The following TMEM272 variants were observed in gnomAD, a reference collection of about 807,000 sequenced individuals.
TMEM272 encodes the protein transmembrane protein 272.
A neutral mutation model predicts 3.7 loss-of-function variants in TMEM272; 8 were observed. The observed-to-expected ratio is 2.17, with a 90% CI of 1.27 to 3.91. The LOEUF is 3.91. Ranked by LOEUF, TMEM272 falls within the 30% of genes most tolerant of loss-of-function variation. The pLI is 0.00. For missense variants in TMEM272, 166 were observed against 91.5 expected, an observed-to-expected ratio of 1.81 and a Z score of -3.32; for synonymous variants, 63 against 39.8, an observed-to-expected ratio of 1.58 and a Z score of -2.20.
the TMEM272 span, among the ~76,000 whole-genome samples, chr13:51,904,555 G>A: frequency 6.6e-6 from 1 of 152,078 alleles, no homozygotes; most frequent in Non-Finnish European, 1.5e-5. Context: ...AAAAGAAGGA[G>A]GCTCTAGATC....
the TMEM272 span, among the ~76,000 whole-genome samples, chr13:51,913,311 CT>C: frequency 6.6e-6 from 1 of 152,176 alleles, no homozygotes. Context: ...AGGCAGTTTG[CT>C]TTTACCAGTG....
the TMEM272 span, among the ~76,000 whole-genome samples, chr13:51,918,214 T>C: frequency 2.0e-5 from 3 of 152,198 alleles, no homozygotes; most frequent in Non-Finnish European, 2.9e-5. Context: ...CAGCAATGCC[T>C]TGGGGGTCAG....
chr13:51,914,195 A>G, the TMEM272 span, among the ~76,000 whole-genome samples: 1 of 152,262 alleles, frequency 6.6e-6, no homozygotes, highest in Non-Finnish European at 1.5e-5. Flanking sequence ...AACAATCACC[A>G]GTTCCACGGG....
intron 2 of TMEM272, among the ~76,000 whole-genome samples, chr13:51,830,103 C>T (rs1330086728): frequency 4.6e-5 from 7 of 152,230 alleles, no homozygotes; most frequent in South Asian, 2.1e-4. Context: ...TGTTCAGCCA[C>T]GTACAAAAGC....
At chr13:51,905,075 C>G in the TMEM272 span, among the ~76,000 whole-genome samples, 5 of 152,168 alleles carry the variant, frequency 3.3e-5, no homozygotes, top group Non-Finnish European at 7.3e-5. Context: ...ACCAAATGCT[C>G]CTGGGGGAGG....
chr13:51,926,702 G>A, the TMEM272 span, among the ~76,000 whole-genome samples: 1 of 152,092 alleles, frequency 6.6e-6, no homozygotes, highest in Non-Finnish European at 1.5e-5. Flanking sequence ...GTGGGGACAG[G>A]GGCATGCTGG....
chr13:51,932,748 A>T, the TMEM272 span: 1 of 152,136 alleles, frequency 6.6e-6, no homozygotes, highest in Non-Finnish European at 1.5e-5. Flanking sequence ...TGACAAAAAA[A>T]CTCCTTACAC....
At chr13:51,904,978 G>A in the TMEM272 span, among the ~76,000 whole-genome samples, 1 of 152,136 alleles carries the variant, frequency 6.6e-6, no homozygotes, top group Non-Finnish European at 1.5e-5. Flanking sequence ...GTGTGCTGTG[G>A]GGTGTTTAAC....
chr13:51,871,113 C>A, the TMEM272 span, among the ~76,000 whole-genome samples: 4 of 152,018 alleles, frequency 2.6e-5, no homozygotes, highest in Non-Finnish European at 5.9e-5. Flanking sequence ...GGTATGCATA[C>A]CCTTGGACCA....
chr13:51,909,682 T>A, the TMEM272 span: 1 of 1,552,226 alleles, frequency 6.4e-7, no homozygotes, highest in South Asian at 1.1e-5. Context: ...ATCAGTTTCT[T>A]CAAAGCTCCT....
the TMEM272 span, among the ~76,000 whole-genome samples, chr13:51,888,014 A>C: frequency 6.6e-6 from 1 of 151,424 alleles, no homozygotes; most frequent in African/African-American, 2.4e-5. Flanking sequence ...GTGTGATTGC[A>C]TTATACATAT....
the TMEM272 span, among the ~76,000 whole-genome samples, chr13:51,919,785 G>A: frequency 6.6e-6 from 1 of 152,192 alleles, no homozygotes; most frequent in East Asian, 1.9e-4. Context: ...TGAGCATGTC[G>A]CTCTCCTCAC....
the TMEM272 span, among the ~76,000 whole-genome samples, chr13:51,853,799 T>C: frequency 3.9e-5 from 6 of 152,200 alleles, no homozygotes; most frequent in Admixed American, 3.9e-4. Context: ...ACCAATTGCA[T>C]AGAATATATG....
the TMEM272 span, among the ~76,000 whole-genome samples, chr13:51,883,242 G>A: frequency 6.6e-6 from 1 of 152,184 alleles, no homozygotes; most frequent in Non-Finnish European, 1.5e-5. Flanking sequence ...GGCAAATGGG[G>A]GCACGTTACA....
chr13:51,876,668 G>A, the TMEM272 span, among the ~76,000 whole-genome samples: 1 of 152,332 alleles, frequency 6.6e-6, no homozygotes, highest in Non-Finnish European at 1.5e-5. Context: ...GAGCAAGCAG[G>A]TAATAGAGGG....
Position 51,816,738 on chromosome 13 carries a change from G to T in TMEM272, c.*13C>A. Reference sequence around the variant, plus strand: ...ACGCATATGCATACATGGTATGCTGGACAAGGCAGCTGTCAGTCTTCATCG... The same window carrying T: ...ACGCATATGCATACATGGTATGCTGTACAAGGCAGCTGTCAGTCTTCATCG... On this transcript the variant is annotated 3_prime_UTR_variant, in exon 5 of 5. Transcript: ENST00000629372. 2 of 692,748 alleles carry T rather than the reference G, an allele frequency of 2.9e-6. No individual in the cohort carries two copies. The highest frequency in any genetic ancestry group is 3.0e-5 in the South Asian group (2 of 66,618). 42.9% of individuals were successfully genotyped at this position (692,748 alleles called of 1,614,324 possible).
the TMEM272 span, among the ~76,000 whole-genome samples, chr13:51,879,841 G>A: frequency 6.6e-6 from 1 of 152,184 alleles, no homozygotes; most frequent in East Asian, 1.9e-4. Context: ...GCACAGGGTG[G>A]TTAGGAATGT....
At chr13:51,885,055 G>T in the TMEM272 span, among the ~76,000 whole-genome samples, 1 of 152,204 alleles carries the variant, frequency 6.6e-6, no homozygotes, top group Non-Finnish European at 1.5e-5. Context: ...GTCAGTCATG[G>T]TAATTCTATC....
the TMEM272 span, among the ~76,000 whole-genome samples, chr13:51,922,725 G>A: frequency 6.6e-6 from 1 of 152,224 alleles, no homozygotes; most frequent in Non-Finnish European, 1.5e-5. Context: ...TGTGGGCAGG[G>A]CTGGGTCCTT....
Sources: gnomAD v4.1 joint callset for allele counts (sites outside exome capture counted in the v4.1 genomes callset) on GRCh38, gnomAD v4.1.1 for gene constraint, MANE v1.5 for transcripts, NCBI Gene and HGNC (gene_info 2026-07-23, HGNC 2026-07-21) for gene names.